The following NPIPB8 variants were observed in gnomAD, a reference collection of about 807,000 sequenced individuals.
The protein encoded by NPIPB8 is nuclear pore complex interacting protein family member B8.
Under a neutral mutation model 5.3 loss-of-function variants are expected in NPIPB8, and 3 were observed. The observed-to-expected ratio is 0.57, with a 90% CI of 0.26 to 1.47. The LOEUF is 1.47. NPIPB8 is among the 40% of genes most tolerant of loss of function. The pLI, the probability that NPIPB8 is intolerant of heterozygous loss-of-function variation, is 0.13. For synonymous variants in NPIPB8, 18 were observed against 23.0 expected (o/e 0.78, Z 0.62); for missense variants, 50 against 50.2 (o/e 1.00, Z 0.01).
intron 2 of NPIPB8, among the ~76,000 whole-genome samples, chr16:28,642,165 G>C (rs1596676312): frequency 6.6e-6 from 1 of 151,492 alleles, no homozygotes; most frequent in African/African-American, 2.4e-5. Context: ...GAGTGCAATG[G>C]CACGATCTCG....
chr16:28,650,987 T>C (rs2048031759), intron 3 of NPIPB8, among the ~76,000 whole-genome samples: 1 of 99,370 alleles, frequency 1.0e-5, no homozygotes, highest in Non-Finnish European at 1.9e-5. Context: ...TTCATGTCAT[T>C]TTTTTTTTTT....
At chr16:28,641,068 G>C (rs937544523) in intron 2 of NPIPB8, among the ~76,000 whole-genome samples, 2 of 151,942 alleles carry the variant, frequency 1.3e-5, no homozygotes, top group African/African-American at 4.8e-5. Flanking sequence ...CCCCTGTGTC[G>C]TGCATGTATT....
chr16:28,640,905 A>T (rs2047884796), intron 2 of NPIPB8, among the ~76,000 whole-genome samples: 3 of 152,088 alleles, frequency 2.0e-5, no homozygotes, highest in Admixed American at 1.3e-4. Flanking sequence ...ATTTGGAAGG[A>T]TATCAAGAGT....
chr16:28,640,263 G>A (rs1389405489), intron 2 of NPIPB8, among the ~76,000 whole-genome samples: 2 of 151,652 alleles, frequency 1.3e-5, no homozygotes, highest in Non-Finnish European at 2.9e-5. Flanking sequence ...AGCCCCAAAC[G>A]ATGGAAATGT....
In NPIPB8 at chr16:28,638,310, A is replaced by C. The variant is rs1490600883; in HGVS notation, c.-38-13A>C. ...ACTCATTCAACAAACTTTTTTTCTT[A>C]ATTGTCTAATAGGTTGGCACTCATC... On this transcript the variant is annotated splice_polypyrimidine_tract_variant and intron_variant, in intron 1 of 7. Coordinates refer to ENST00000683297, the MANE Select transcript of NPIPB8 (RefSeq NM_001310136.2). 1.9e-6 allele frequency: 3 copies of C among 1,556,540 alleles called. 1 individual carries two copies. In the African/African-American group the frequency reaches 4.1e-5, roughly 21 times the overall value.
At chr16:28,639,808 G>C (rs1283049666) in intron 2 of NPIPB8, among the ~76,000 whole-genome samples, 1 of 150,508 alleles carries the variant, frequency 6.6e-6, no homozygotes, top group Admixed American at 6.6e-5. Context: ...GGCTATGAAA[G>C]AATATGCATA....
chr16:28,644,361 TC>T (rs2047957184), intron 2 of NPIPB8, among the ~76,000 whole-genome samples: 1 of 110,118 alleles, frequency 9.1e-6, no homozygotes, highest in Non-Finnish European at 1.8e-5. Context: ...CTCCTCCTCC[TC>T]CTCCACCTCC....
In NPIPB8 at chr16:28,638,426, G is replaced by C; in HGVS notation, c.66G>C (p.Lys22Asn). 4.5e-6 allele frequency: 7 copies of C among 1,571,762 alleles called. No homozygotes were observed. Among genetic ancestry groups the C allele is most frequent in the Non-Finnish European group, 5.1e-6 (6 of 1,166,348 alleles). ...FLSHDQGQLT[K>N]ELQQHVKSVT... Reference sequence around the variant, plus strand: ...CCCATGACCAGGGCCAGCTCACCAAGGAGCTGCAGCAGCATGTAAAGTCAG... The same window carrying C: ...CCCATGACCAGGGCCAGCTCACCAACGAGCTGCAGCAGCATGTAAAGTCAG... The change falls in exon 2 of 8, where the codon AAG (lysine) becomes AAC (asparagine). Residue 22 changes from lysine (K) to asparagine (N), a missense_variant. Transcript: ENST00000683297.
Position 28,638,630 on chromosome 16 carries a change from A to T in NPIPB8, c.120+150A>T, listed in dbSNP as rs1338343732. On this transcript the variant is annotated intron_variant, in intron 2 of 7. Transcript: ENST00000683297. ...CTTTTTCTTTCCATACAAGTGGCTT[A>T]GGGATGGGGTAAAGTAGTTGACTTA... The T allele has an allele frequency of 8.1e-6, 11 of 1,355,970 alleles. No homozygotes were observed. In the East Asian group the frequency reaches 2.7e-4, roughly 34 times the overall value. 84.0% of individuals were successfully genotyped at this position (1,355,970 alleles called of 1,614,324 possible).
chr16:28,638,182 T>A, intron 1 of NPIPB8, 32 bp downstream of exon 1: 1 of 866,430 alleles, frequency 1.2e-6, no homozygotes, highest in Non-Finnish European at 1.7e-6. Flanking sequence ...TTGCATGGCA[T>A]GAAGTAGAAA....
intron 2 of NPIPB8, among the ~76,000 whole-genome samples, chr16:28,641,242 C>A (rs991644558): frequency 1.3e-4 from 19 of 151,442 alleles, no homozygotes; most frequent in African/African-American, 4.6e-4. Flanking sequence ...CTGTACCCTG[C>A]CGGAGCATGA....
At chr16:28,638,250 G>T in intron 1 of NPIPB8, 73 bp from the exon 2 acceptor site, 1 of 1,530,022 alleles carries the variant, frequency 6.5e-7, no homozygotes, top group South Asian at 1.2e-5. Context: ...CTATGCTCTT[G>T]ACCACTATAG....
At chr16:28,644,600 G>T (rs760729255) in intron 2 of NPIPB8, 67 of 1,514,792 alleles carry the variant, frequency 4.4e-5, no homozygotes, top group Non-Finnish European at 5.7e-5. Context: ...ATGCGGCTGC[G>T]CTTTTGGCTC....
chr16:28,639,267 G>A (rs1335145327), intron 2 of NPIPB8, among the ~76,000 whole-genome samples: 1 of 147,930 alleles, frequency 6.8e-6, no homozygotes, highest in African/African-American at 2.5e-5. Context: ...TCCTTCATTT[G>A]TTTTGAATGC....
chr16:28,640,471 G>T (rs1030484856), intron 2 of NPIPB8, among the ~76,000 whole-genome samples: 3 of 151,928 alleles, frequency 2.0e-5, no homozygotes, highest in African/African-American at 7.2e-5. Context: ...TTGCCTCGAG[G>T]TGACACGCTT....
chr16:28,642,284 T>C (rs961646211), intron 2 of NPIPB8, among the ~76,000 whole-genome samples: 1 of 151,460 alleles, frequency 6.6e-6, no homozygotes, highest in Admixed American at 6.6e-5. Flanking sequence ...TTTTGTATTT[T>C]TAGTAGAGAC....
intron 2 of NPIPB8, among the ~76,000 whole-genome samples, chr16:28,641,287 G>T (rs1226624645): frequency 6.7e-6 from 1 of 150,366 alleles, no homozygotes; most frequent in African/African-American, 2.5e-5. Context: ...GGGGATAGTG[G>T]GGGTAGTGGG....
intron 2 of NPIPB8, among the ~76,000 whole-genome samples, chr16:28,641,123 G>T (rs1474781528): frequency 6.6e-6 from 1 of 151,966 alleles, no homozygotes; most frequent in Non-Finnish European, 1.5e-5. Flanking sequence ...ACATCATGGG[G>T]CCTGATTCTT....
chr16:28,644,339 C>T (rs976106180), intron 2 of NPIPB8, among the ~76,000 whole-genome samples: 1 of 119,152 alleles, frequency 8.4e-6, no homozygotes, highest in Non-Finnish European at 1.7e-5. Flanking sequence ...TTTCCCAGAC[C>T]CCTTTCTTCT....
Sources: gnomAD v4.1 joint callset for allele counts (sites outside exome capture counted in the v4.1 genomes callset) on GRCh38, gnomAD v4.1.1 for gene constraint, MANE v1.5 for transcripts, NCBI Gene and HGNC (gene_info 2026-07-23, HGNC 2026-07-21) for gene names.